Variants in TRRAP observed in about 807,000 individuals in gnomAD.
TRRAP encodes the protein transformation/transcription domain associated protein.
Under a neutral mutation model 438.8 loss-of-function variants are expected in TRRAP, and 41 were observed. The observed-to-expected ratio is 0.09, with a 90% CI of 0.07 to 0.12. The LOEUF (loss-of-function observed/expected upper bound fraction) is 0.12, where lower values mean the gene tolerates loss of function less well. Among genes scored for constraint, TRRAP ranks in the 10% least tolerant of loss-of-function variants. The pLI, the probability that TRRAP is intolerant of heterozygous loss-of-function variation, is 1.00. For synonymous variants in TRRAP, 1,994 were observed against 1,962.9 expected (o/e 1.02, Z -0.42); for missense variants, 3,122 against 5,055.1 (o/e 0.62, Z 11.60).
At chr7:98,998,213 C>T (rs1177410644) in intron 67 of TRRAP, among the ~76,000 whole-genome samples, 1 of 152,164 alleles carries the variant, frequency 6.6e-6, no homozygotes, top group Non-Finnish European at 1.5e-5. Context: ...TAACTCTTGA[C>T]CCCTCTTCTC....
chr7:98,978,914 C>T lies in TRRAP; in HGVS notation c.8634+10C>T, dbSNP rs796963648. ...GGAGGCGCTGGTGCAGGTGAGACGC[C>T]CCGGGGGCATCCCTGCCGCTGCCTG... On this transcript the variant is annotated intron_variant, in intron 58 of 72. Coordinates refer to ENST00000456197, the MANE Select transcript of TRRAP (RefSeq NM_001375524.1). 4 of 1,613,450 alleles carry T rather than the reference C, an allele frequency of 2.5e-6. No homozygotes were observed. In the African/African-American group the frequency reaches 4.0e-5, roughly 16 times the overall value.
chr7:98,962,932 C>A (rs1029818531), intron 47 of TRRAP, among the ~76,000 whole-genome samples: 1 of 152,136 alleles, frequency 6.6e-6, no homozygotes, highest in African/African-American at 2.4e-5. Flanking sequence ...TAGATGTGCC[C>A]TCAGTTTTGT....
Position 98,976,167 on chromosome 7 carries a change from G to A in TRRAP, c.7858G>A (p.Ala2620Thr), listed in dbSNP as rs779584080. 7 of 1,613,974 alleles carry A rather than the reference G, an allele frequency of 4.3e-6. No homozygotes were observed. Among genetic ancestry groups the A allele is most frequent in the East Asian group, 2.2e-5 (1 of 44,882 alleles). ...TTCATAGACTGGAGCGCTGCTCAGC[G>A]CTTTCGTTCAGCTGTGCCACATTTC... ...REVKTGALLSAFVQLCHISTT... is the reference protein window; with the variant it reads ...REVKTGALLSTFVQLCHISTT... The change falls in exon 54 of 73, where the codon GCT (alanine) becomes ACT (threonine). Residue 2620 changes from alanine (A) to threonine (T), a missense_variant. Ala to Thr is a moderately conservative substitution (Grantham distance 58). Coordinates refer to ENST00000456197, the MANE Select transcript of TRRAP (RefSeq NM_001375524.1). The surrounding 1 kb of genome is among the most constrained non-coding windows in gnomAD (Gnocchi z 4.6).
chr7:98,968,908 C>T (rs1792279822), intron 51 of TRRAP, among the ~76,000 whole-genome samples: 1 of 152,222 alleles, frequency 6.6e-6, no homozygotes, highest in South Asian at 2.1e-4. Context: ...AGTTGCCAGG[C>T]ACTGGGTCAG....
In TRRAP at chr7:98,880,262, G is replaced by GTTTT. The variant is rs201053093; in HGVS notation, c.-61-814_-61-811dup. ...CTGCCTGCGTTTTGTTGTTGTTGTT[G>GTTTT]TTTTTTTTTTTTTTTTTCCGAGACT... On this transcript the variant is annotated intron_variant, in intron 1 of 72. Coordinates refer to ENST00000456197, the MANE Select transcript of TRRAP (RefSeq NM_001375524.1). Among the ~76,000 whole-genome samples, 125 of 132,104 alleles carry GTTTT rather than the reference G, an allele frequency of 9.5e-4. 4 individuals are homozygous for GTTTT. The highest frequency in any genetic ancestry group is 4.9e-3 in the South Asian group (20 of 4,056). 86.7% of individuals were successfully genotyped at this position (132,104 alleles called of 152,430 possible). A position where few individuals can be genotyped will look rare whatever the true frequency, so the allele number is the denominator to read the frequency against.
chr7:98,972,131 C>T (rs1584378400), intron 53 of TRRAP, among the ~76,000 whole-genome samples, 186 bp downstream of exon 53: 1 of 152,334 alleles, frequency 6.6e-6, no homozygotes, highest in Non-Finnish European at 1.5e-5. Flanking sequence ...CGGCCTCAGT[C>T]TCCTGGGCCA....
At chr7:98,884,425 G>A (rs1186757064) in intron 3 of TRRAP, among the ~76,000 whole-genome samples, 1 of 151,768 alleles carries the variant, frequency 6.6e-6, no homozygotes, top group Non-Finnish European at 1.5e-5. Context: ...AGTAGAGATG[G>A]GGTTTCGCCT....
intron 47 of TRRAP, among the ~76,000 whole-genome samples, chr7:98,962,720 C>T (rs1298894900): frequency 6.6e-6 from 1 of 152,232 alleles, no homozygotes; most frequent in Admixed American, 6.5e-5. Flanking sequence ...ACTAAACAGG[C>T]ACCGCAAGAG....
At chr7:98,932,609 G>A (rs1035109517) in intron 26 of TRRAP, among the ~76,000 whole-genome samples, 4 of 152,010 alleles carry the variant, frequency 2.6e-5, no homozygotes, top group African/African-American at 7.2e-5. Flanking sequence ...TTCCCAAAGT[G>A]TTGGGATTAC....
chr7:98,925,381 C>A, intron 22 of TRRAP, 118 bp downstream of exon 22: 2 of 1,373,294 alleles, frequency 1.5e-6, no homozygotes. Context: ...CCAGCAGATG[C>A]CATATTATCT....
Position 99,012,406 on chromosome 7 carries a change from C to A in TRRAP, c.*51C>A. On this transcript the variant is annotated 3_prime_UTR_variant, in exon 73 of 73. Coordinates refer to ENST00000456197, the MANE Select transcript of TRRAP (RefSeq NM_001375524.1). This position sits in a 1 kb window ranked among gnomAD's most constrained non-coding sequence, Gnocchi z 5.9. ...TGTGAAGGGCGCTCCGGGCTCTGAG[C>A]CCGCAGCTTTTACGACTTCTCCCTG... The A allele has an allele frequency of 6.6e-7, 1 of 1,518,084 alleles. No individual in the cohort carries two copies. The highest frequency in any genetic ancestry group is 2.1e-5 in the Admixed American group (1 of 47,922). The allele number at this position is 1,518,084 out of a possible 1,614,324, so 94.0% of individuals were successfully genotyped here. A position where few individuals can be genotyped will look rare whatever the true frequency, so the allele number is the denominator to read the frequency against.
chr7:99,008,710 ATGG>A (rs1281565696), intron 70 of TRRAP, 149 bp downstream of exon 70: 9 of 874,806 alleles, frequency 1.0e-5, no homozygotes, highest in Non-Finnish European at 1.5e-5. Flanking sequence ...GACTCATGAG[ATGG>A]TGGAAATGAG....
rs202086494 is a variant in TRRAP, at chr7:98,948,387, G to T, written c.4668+47G>T. 1.5e-4 allele frequency: 243 copies of T among 1,613,250 alleles called. 2 individuals carry two copies. The highest frequency in any genetic ancestry group is 5.2e-5 in the Non-Finnish European group (61 of 1,179,664). ...GCTTCTCGCTCTGCCACCCTCCGGT[G>T]CTTATAGCGTCCTCACTTGATCGTA... On this transcript the variant is annotated intron_variant, in intron 34 of 72. Coordinates refer to ENST00000456197, the MANE Select transcript of TRRAP (RefSeq NM_001375524.1). This position sits in a 1 kb window ranked among gnomAD's most constrained non-coding sequence, Gnocchi z 4.9.
chr7:98,902,488 G>C (rs901245835), intron 11 of TRRAP, among the ~76,000 whole-genome samples: 2 of 152,218 alleles, frequency 1.3e-5, no homozygotes, highest in Middle Eastern at 3.4e-3. Context: ...AAAAATTAAA[G>C]AGCTGAATTG....
In TRRAP at chr7:99,008,658, A is replaced by G. The variant is rs902946601; in HGVS notation, c.10938+97A>G. 19 of 1,343,960 alleles carry G rather than the reference A, an allele frequency of 1.4e-5. No individual in the cohort carries two copies. In the South Asian group the frequency reaches 2.6e-4, roughly 19 times the overall value. The allele number at this position is 1,343,960 out of a possible 1,614,324, so 83.3% of individuals were successfully genotyped here. On this transcript the variant is annotated intron_variant, in intron 70 of 72. Coordinates refer to ENST00000456197, the MANE Select transcript of TRRAP (RefSeq NM_001375524.1). The stretch of plus-strand genomic sequence containing the variant: ...AGGGGTGTTTAGGAGATGAACAGGC[A>G]TTTGTTGGGGGCCACCTCTGTCATT...
intron 11 of TRRAP, among the ~76,000 whole-genome samples, chr7:98,902,039 T>C (rs1368053139): frequency 3.3e-5 from 5 of 152,268 alleles, no homozygotes; most frequent in Non-Finnish European, 7.3e-5. Flanking sequence ...ACCACGATTG[T>C]ACTTTCTGTC....
intron 5 of TRRAP, among the ~76,000 whole-genome samples, chr7:98,893,374 G>T (rs1461576685): frequency 3.3e-5 from 5 of 152,210 alleles, no homozygotes; most frequent in African/African-American, 1.2e-4. Context: ...CTTAACCCCT[G>T]AGATATCATG....
At position 98,955,247 on chromosome 7, in the gene TRRAP, G is replaced by A; in HGVS notation, c.5880G>A (p.Glu1960=). 1 of 1,614,164 alleles carries A rather than the reference G, an allele frequency of 6.2e-7. No homozygotes were observed. The highest frequency in any genetic ancestry group is 8.5e-7 in the Non-Finnish European group (1 of 1,179,992). Residue 1960 remains glutamate, a synonymous_variant, in exon 41 of 73, where the codon GAG becomes GAA. Transcript: ENST00000456197. ...THWTRKIIVE[E]GHTVPQLVHI... is the part of the protein sequence containing the mutation. ...GGACCCGGAAGATCATTGTGGAGGA[G>A]GGGCACACCGTCCCGCAGCTGGTCC... is the stretch of plus-strand genomic sequence containing the variant.
chr7:98,985,584 A>G (rs1296196262), intron 62 of TRRAP, among the ~76,000 whole-genome samples: 1 of 152,242 alleles, frequency 6.6e-6, no homozygotes, highest in Non-Finnish European at 1.5e-5. Flanking sequence ...AAGGTTGCCA[A>G]ACCCTGGTTT....
Sources: gnomAD v4.1 joint callset for allele counts (sites outside exome capture counted in the v4.1 genomes callset) on GRCh38, gnomAD v4.1.1 for gene constraint, Gnocchi (gnomAD v3.1) non-coding constraint, MANE v1.5 for transcripts, NCBI Gene and HGNC (gene_info 2026-07-23, HGNC 2026-07-21) for gene names.